TRANK1: variants seen among roughly 807,000 people sequenced by gnomAD.
TRANK1 encodes the protein TPR and ankyrin repeat-containing protein 1.
A neutral mutation model predicts 266.0 loss-of-function variants in TRANK1; 198 were observed. The observed-to-expected ratio is 0.74, with a 90% CI of 0.66 to 0.84. The LOEUF (loss-of-function observed/expected upper bound fraction) is 0.84. Among genes scored for constraint, TRANK1 ranks in the 40% least tolerant of loss-of-function variants. TRANK1 has a pLI of 0.00. For synonymous variants in TRANK1, 1,396 were observed against 1,384.1 expected (o/e 1.01, Z -0.19); for missense variants, 3,326 against 3,634.6 (o/e 0.92, Z 2.18).
chr3:36,885,852 T>C (rs1350591017), intron 8 of TRANK1, among the ~76,000 whole-genome samples: 3 of 152,186 alleles, frequency 2.0e-5, no homozygotes, highest in African/African-American at 7.2e-5. Flanking sequence ...ACTTTGATTA[T>C]ACAGCATGCT....
chr3:36,921,429 G>A (rs569402982), intron 1 of TRANK1, among the ~76,000 whole-genome samples: 164 of 152,270 alleles, frequency 1.1e-3, no homozygotes, highest in African/African-American at 2.6e-3. Flanking sequence ...TTGCGGCACC[G>A]AAAATTTATT....
At chr3:36,879,773 T>TATATGTAAATATACAA (rs2079465644) in intron 8 of TRANK1, among the ~76,000 whole-genome samples, 3 of 64,188 alleles carry the variant, frequency 4.7e-5, no homozygotes, top group Non-Finnish European at 9.0e-5. Flanking sequence ...TATATATAAA[T>TATATGTAAATATACAA]ATATATAAAT....
chr3:36,860,884 C>T lies in TRANK1; in HGVS notation c.1495+22G>A, dbSNP rs369936640. 3.7e-4 allele frequency: 575 copies of T among 1,536,534 alleles called. 4 individuals carry two copies. In the South Asian group the frequency reaches 6.5e-3, roughly 17 times the overall value. On this transcript the variant is annotated intron_variant, in intron 11 of 23. Transcript: ENST00000645898. ...GGAGAATGTGGACAAGTCTCCAACGCTTAGCATCCAGTCACTCTCACCTCC... is the reference window on the plus strand; with the variant it reads ...GGAGAATGTGGACAAGTCTCCAACGTTTAGCATCCAGTCACTCTCACCTCC...
intron 1 of TRANK1, among the ~76,000 whole-genome samples, chr3:36,927,382 G>A (rs11129745): frequency 0.32 from 48,639 of 152,154 alleles, 9,566 homozygotes; most frequent in Non-Finnish European, 0.45. Flanking sequence ...TAAGTTGTAA[G>A]TCTGCCTTTC....
At chr3:36,854,376 A>G (rs2079023504) in intron 13 of TRANK1, among the ~76,000 whole-genome samples, 1 of 136,440 alleles carries the variant, frequency 7.3e-6, no homozygotes, top group East Asian at 1.9e-4. Context: ...ACAAAAAAAA[A>G]AGAAAGAAAG....
chr3:36,881,032 C>T (rs540063414), intron 8 of TRANK1, among the ~76,000 whole-genome samples: 1 of 151,708 alleles, frequency 6.6e-6, no homozygotes, highest in African/African-American at 2.4e-5. Flanking sequence ...ACCCTGTGCA[C>T]CTTAAATTCA....
Position 36,879,773 on chromosome 3 carries a change from TATATATAAATATGTAA to T in TRANK1, c.908-5493_908-5478del, listed in dbSNP as rs1559448642. Among the ~76,000 whole-genome samples the T allele has an allele frequency of 1.6e-4, 10 of 64,206 alleles. 1 individual carries two copies. Among genetic ancestry groups the T allele is most frequent in the Non-Finnish European group, 2.7e-4 (9 of 33,274 alleles). The allele number at this position is 64,206 out of a possible 152,430, so 42.1% of individuals were successfully genotyped here. A position where few individuals can be genotyped will look rare whatever the true frequency, so the allele number is the denominator to read the frequency against. On this transcript the variant is annotated intron_variant, in intron 8 of 23. Coordinates refer to ENST00000645898, the MANE Select transcript of TRANK1 (RefSeq NM_001329998.2). ...ATAAATATATATAAATATATATAAA[TATATATAAATATGTAA>T]ATATATAAATATACAAATATATGTA... is the stretch of plus-strand genomic sequence containing the variant.
At chr3:36,903,083 T>C in intron 3 of TRANK1, 66 bp downstream of exon 3, 2 of 1,492,526 alleles carry the variant, frequency 1.3e-6, no homozygotes, top group Non-Finnish European at 1.8e-6. Flanking sequence ...CATCCTTTCA[T>C]ACCTTCATCC....
intron 5 of TRANK1, among the ~76,000 whole-genome samples, chr3:36,893,608 T>G (rs1177568788): frequency 6.6e-6 from 1 of 152,230 alleles, no homozygotes; most frequent in Non-Finnish European, 1.5e-5. Flanking sequence ...ACCCAGTTGT[T>G]AAACTACTGA....
Position 36,851,773 on chromosome 3 carries a change from T to C in TRANK1, c.4833A>G (p.Ala1611=). The change falls in exon 15 of 24, where the codon GCA becomes GCG. Residue 1611 remains alanine, a synonymous_variant. Coordinates refer to ENST00000645898, the MANE Select transcript of TRANK1 (RefSeq NM_001329998.2). ...GGACATCATCAAATTCTAAGCCTTTTGCTTCATAAATTGTTAGCACAAGTG... is the reference window on the plus strand; with the variant it reads ...GGACATCATCAAATTCTAAGCCTTTCGCTTCATAAATTGTTAGCACAAGTG... The part of the protein sequence containing the change: ...GLALVLTIYE[A]KGLEFDDVLL... 2 of 1,613,292 alleles carry C rather than the reference T, an allele frequency of 1.2e-6. No individual in the cohort carries two copies. The highest frequency in any genetic ancestry group is 1.7e-6 in the Non-Finnish European group (2 of 1,179,608).
chr3:36,925,415 C>T (rs565071254), intron 1 of TRANK1, among the ~76,000 whole-genome samples: 1 of 151,928 alleles, frequency 6.6e-6, no homozygotes, highest in South Asian at 2.1e-4. Flanking sequence ...TTTACTGTTA[C>T]CAAGTTGCTG....
intron 1 of TRANK1, among the ~76,000 whole-genome samples, chr3:36,939,450 G>A (rs116725052): frequency 6.2e-4 from 95 of 152,288 alleles, no homozygotes; most frequent in Admixed American, 1.5e-3. Flanking sequence ...AAGATACAAG[G>A]ATATGAGTGT....
chr3:36,901,834 C>T (rs1400813789), intron 3 of TRANK1, among the ~76,000 whole-genome samples: 3 of 152,120 alleles, frequency 2.0e-5, no homozygotes, highest in Non-Finnish European at 4.4e-5. Flanking sequence ...AGGAAGAAGC[C>T]CCTTGATGTA....
rs371273934 is a variant in TRANK1, at chr3:36,931,603, G to T, written c.23+13184C>A. ...ACCTATAGTCCCAACTACTCAAGAG[G>T]CTGAGGCAGAAGGATCACTTGAGCC... On this transcript the variant is annotated intron_variant, in intron 1 of 23. Transcript: ENST00000645898. 4.5e-4 allele frequency among the ~76,000 whole-genome samples: 68 copies of T among 152,198 alleles called. 1 individual carries two copies. The South Asian group carries it at 0.014, about 31-fold the overall frequency.
At chr3:36,880,493 C>T in intron 8 of TRANK1, 1 of 179,278 alleles carries the variant, frequency 5.6e-6, no homozygotes, top group Non-Finnish European at 1.2e-5. Context: ...TTAATAAATG[C>T]TTCAATTAAC....
At chr3:36,927,035 G>A (rs1222605655) in intron 1 of TRANK1, among the ~76,000 whole-genome samples, 1 of 152,166 alleles carries the variant, frequency 6.6e-6, no homozygotes, top group African/African-American at 2.4e-5. Context: ...TGTTACTGCA[G>A]CAAGGGTATC....
At chr3:36,922,007 C>A (rs1241743308) in intron 1 of TRANK1, among the ~76,000 whole-genome samples, 2 of 152,124 alleles carry the variant, frequency 1.3e-5, no homozygotes, top group African/African-American at 4.8e-5. Context: ...ATTAGCCAAA[C>A]ATGGTGGCAT....
At chr3:36,942,571 G>A (rs902307005) in intron 1 of TRANK1, among the ~76,000 whole-genome samples, 3 of 151,304 alleles carry the variant, frequency 2.0e-5, no homozygotes, top group African/African-American at 4.9e-5. Context: ...GATCCATGCA[G>A]GAGGCCAGCT....
intron 3 of TRANK1, among the ~76,000 whole-genome samples, chr3:36,902,316 T>C (rs2079894963): frequency 6.6e-6 from 1 of 152,244 alleles, no homozygotes; most frequent in Non-Finnish European, 1.5e-5. Flanking sequence ...TAAAGTACTC[T>C]ATAGGTCAAA....
Sources: gnomAD v4.1 joint callset for allele counts (sites outside exome capture counted in the v4.1 genomes callset) on GRCh38, gnomAD v4.1.1 for gene constraint, MANE v1.5 for transcripts, NCBI Gene and HGNC (gene_info 2026-07-23, HGNC 2026-07-21) for gene names.